The following RXFP1 variants were observed in gnomAD, a reference collection of about 807,000 sequenced individuals.
RXFP1 encodes relaxin receptor 1.
A neutral mutation model predicts 89.8 loss-of-function variants in RXFP1; 73 were observed. That is an observed-to-expected ratio of 0.81 (90% CI 0.67 to 0.99). The LOEUF is 0.99. RXFP1 is among the 50% of genes least tolerant of loss of function. The pLI is 0.00. For missense variants in RXFP1, 793 were observed against 895.5 expected (o/e 0.89, Z 1.46); for synonymous variants, 277 against 305.5 (o/e 0.91, Z 0.97).
chr4:158,629,966 A>T (rs901087558), intron 11 of RXFP1, among the ~76,000 whole-genome samples: 1 of 152,164 alleles, frequency 6.6e-6, no homozygotes, highest in South Asian at 2.1e-4. Context: ...GGACAGAGCT[A>T]CTTGTTTTGA....
intron 1 of RXFP1, among the ~76,000 whole-genome samples, chr4:158,555,860 G>A (rs987709205): frequency 2.1e-4 from 32 of 152,090 alleles, no homozygotes; most frequent in Admixed American, 5.9e-4. Flanking sequence ...ATGGTTCTGG[G>A]AAAATAAAAT....
chr4:158,599,685 A>T (rs1761317207), intron 4 of RXFP1, among the ~76,000 whole-genome samples: 1 of 152,176 alleles, frequency 6.6e-6, no homozygotes, highest in Admixed American at 6.5e-5. Context: ...TATCTAAACA[A>T]AAAAAGTCAT....
At chr4:158,561,629 T>TC (rs1752456360) in intron 1 of RXFP1, among the ~76,000 whole-genome samples, 1 of 140,588 alleles carries the variant, frequency 7.1e-6, no homozygotes, top group African/African-American at 2.7e-5. Flanking sequence ...TTTTTTTCTT[T>TC]TTTTTTTTTT....
In RXFP1 at chr4:158,653,274, A is replaced by C. The variant is rs1302248023; in HGVS notation, c.*1219A>C. Reference sequence around the variant, plus strand: ...TTCAAATACACCAAAAATGTTTGAAACACAAAAATACTGGAATCAAACCAT... The same window carrying C: ...TTCAAATACACCAAAAATGTTTGAACCACAAAAATACTGGAATCAAACCAT... On this transcript the variant is annotated 3_prime_UTR_variant, in exon 18 of 18. Transcript: ENST00000307765. The C allele has an allele frequency of 1.3e-5, 2 of 152,252 alleles. No individual in the cohort carries two copies. The highest frequency in any genetic ancestry group is 4.8e-5 in the African/African-American group (2 of 41,458). The allele number at this position is 152,252 out of a possible 1,614,324, so 9.4% of individuals were successfully genotyped here. A position where few individuals can be genotyped will look rare whatever the true frequency, so the allele number is the denominator to read the frequency against.
At chr4:158,599,225 A>C in intron 3 of RXFP1, 101 bp from the exon 4 acceptor site, 1 of 1,563,840 alleles carries the variant, frequency 6.4e-7, no homozygotes, top group Non-Finnish European at 8.7e-7. Context: ...ATGCTTTTGT[A>C]CTAAATGATT....
chr4:158,651,547 A>G (rs1237497762), intron 17 of RXFP1, among the ~76,000 whole-genome samples: 3 of 152,210 alleles, frequency 2.0e-5, no homozygotes, highest in Non-Finnish European at 4.4e-5. Context: ...AAAGAATACC[A>G]TTCTTTTTCA....
At position 158,639,347 on chromosome 4, in the gene RXFP1, A is replaced by G; in HGVS notation, c.1115+16A>G. 7.5e-7 allele frequency: 1 copy of G among 1,333,426 alleles called. No homozygotes were observed. The highest frequency in any genetic ancestry group is 1.1e-6 in the Non-Finnish European group (1 of 927,242). 82.6% of individuals were successfully genotyped at this position (1,333,426 alleles called of 1,614,324 possible). On this transcript the variant is annotated intron_variant, in intron 14 of 17. Transcript: ENST00000307765. ...TCTCTCACATGTAAGTAGATATTTT[A>G]TTGTTTTTCACTGTGATGTTAATAT...
chr4:158,637,993 T>C lies in RXFP1; in HGVS notation c.972-15T>C, dbSNP rs1249396372. The C allele has an allele frequency of 6.5e-7, 1 of 1,548,972 alleles. No homozygotes were observed. Among genetic ancestry groups the C allele is most frequent in the Admixed American group, 1.7e-5 (1 of 58,654 alleles). On this transcript the variant is annotated splice_polypyrimidine_tract_variant and intron_variant, in intron 12 of 17. Transcript: ENST00000307765. ...TTTTTAGAAATGACCTATTGCTGCT[T>C]TTTTTAAAAAACAGGAATCTTTCCT...
intron 9 of RXFP1, among the ~76,000 whole-genome samples, chr4:158,621,386 A>G (rs1765608203): frequency 1.3e-5 from 2 of 152,348 alleles, no homozygotes; most frequent in Admixed American, 1.3e-4. Flanking sequence ...ACTAATAAAA[A>G]GCATGTAATT....
At chr4:158,644,475 A>G (rs559889946) in intron 14 of RXFP1, among the ~76,000 whole-genome samples, 3 of 152,174 alleles carry the variant, frequency 2.0e-5, no homozygotes, top group South Asian at 4.2e-4. Flanking sequence ...AACTTCAATA[A>G]CAAAAAGCCA....
chr4:158,546,589 G>T (rs954530901), intron 1 of RXFP1, among the ~76,000 whole-genome samples: 9 of 152,280 alleles, frequency 5.9e-5, no homozygotes, highest in Admixed American at 2.0e-4. Flanking sequence ...CTGTGGGTTT[G>T]TCATAGATAG....
At chr4:158,602,156 T>G (rs934723087) in intron 4 of RXFP1, among the ~76,000 whole-genome samples, 4 of 152,230 alleles carry the variant, frequency 2.6e-5, no homozygotes, top group Non-Finnish European at 5.9e-5. Flanking sequence ...AATAACAGCA[T>G]CTACCTCTTT....
chr4:158,524,010 C>A (rs1269360774), intron 1 of RXFP1, among the ~76,000 whole-genome samples: 8 of 152,200 alleles, frequency 5.3e-5, no homozygotes, highest in African/African-American at 1.9e-4. Context: ...TGTACCGGTT[C>A]TGTGGTTTTC....
intron 4 of RXFP1, among the ~76,000 whole-genome samples, chr4:158,603,889 CAAT>C (rs10617905): frequency 0.11 from 14,837 of 140,974 alleles, 826 homozygotes; most frequent in African/African-American, 0.14. Context: ...GACTCCATCT[CAAT>C]AATAATAATA....
At chr4:158,595,436 G>C (rs116060413) in intron 3 of RXFP1, among the ~76,000 whole-genome samples, 1 of 152,078 alleles carries the variant, frequency 6.6e-6, no homozygotes, top group Non-Finnish European at 1.5e-5. Context: ...TGCCTTCCTG[G>C]TCATATCCTT....
At chr4:158,599,233 A>T in intron 3 of RXFP1, 93 bp from the exon 4 acceptor site, 1 of 1,577,146 alleles carries the variant, frequency 6.3e-7, no homozygotes, top group South Asian at 1.1e-5. Context: ...GTACTAAATG[A>T]TTTTCTCATA....
intron 1 of RXFP1, among the ~76,000 whole-genome samples, chr4:158,545,704 G>A (rs1170753965): frequency 6.6e-6 from 1 of 152,150 alleles, no homozygotes; most frequent in Non-Finnish European, 1.5e-5. Context: ...TGTTAAATAG[G>A]GAATCCTTTC....
intron 1 of RXFP1, among the ~76,000 whole-genome samples, chr4:158,551,077 C>T (rs1749992537): frequency 6.6e-6 from 1 of 151,004 alleles, no homozygotes; most frequent in Non-Finnish European, 1.5e-5. Flanking sequence ...TGTCCATCAA[C>T]AGATGATGGA....
chr4:158,554,728 A>G (rs1488401388), intron 1 of RXFP1, among the ~76,000 whole-genome samples: 1 of 152,144 alleles, frequency 6.6e-6, no homozygotes, highest in Non-Finnish European at 1.5e-5. Flanking sequence ...TAAAAAAAAA[A>G]AATAGGTGTA....
Sources: gnomAD v4.1 joint callset for allele counts (sites outside exome capture counted in the v4.1 genomes callset) on GRCh38, gnomAD v4.1.1 for gene constraint, MANE v1.5 for transcripts, NCBI Gene and HGNC (gene_info 2026-07-23, HGNC 2026-07-21) for gene names.